The following ROBO1 variants were observed in gnomAD, a reference collection of about 807,000 sequenced individuals.
ROBO1 encodes the protein roundabout homolog 1.
A neutral mutation model predicts 195.9 loss-of-function variants in ROBO1; 149 were observed. The ratio of observed to expected loss-of-function variants is 0.76; its 90% CI spans 0.67 to 0.87. ROBO1 has a LOEUF of 0.87. Ranked by LOEUF, ROBO1 falls within the 40% of genes least tolerant of loss-of-function variation. The pLI, the probability that ROBO1 is intolerant of heterozygous loss-of-function variation, is 0.00. For missense variants in ROBO1, 1,933 were observed against 2,068.3 expected (o/e 0.93, Z 1.27); for synonymous variants, 816 against 733.2 (o/e 1.11, Z -1.82).
chr3:78,779,698 G>A (rs1326765556), intron 4 of ROBO1, among the ~76,000 whole-genome samples: 1 of 152,134 alleles, frequency 6.6e-6, no homozygotes, highest in Non-Finnish European at 1.5e-5. Context: ...AGACTGTGGC[G>A]ATTCCTCAAG....
At position 79,239,789 on chromosome 3, in the gene ROBO1, C is replaced by T. The variant is rs556506422; in HGVS notation, c.89-114250G>A. On this transcript the variant is annotated intron_variant, in intron 2 of 30. Transcript: ENST00000464233. Reference sequence around the variant, plus strand: ...AACTGAATATTATTGCTTAGCACAGCACTTAGTATAAAGCTTTATATAGAG... The same window carrying T: ...AACTGAATATTATTGCTTAGCACAGTACTTAGTATAAAGCTTTATATAGAG... Among the ~76,000 whole-genome samples the T allele has an allele frequency of 1.7e-4, 26 of 152,250 alleles. 1 individual carries two copies. In the South Asian group the frequency reaches 5.4e-3, roughly 32 times the overall value.
intron 1 of ROBO1, among the ~76,000 whole-genome samples, chr3:79,657,962 GA>G (rs1172635630): frequency 6.6e-6 from 1 of 152,052 alleles, no homozygotes; most frequent in Non-Finnish European, 1.5e-5. Context: ...AGGCAATGAA[GA>G]AAAAATTGTA....
intron 1 of ROBO1, among the ~76,000 whole-genome samples, chr3:79,617,562 A>G (rs1303842252): frequency 6.6e-6 from 1 of 152,156 alleles, no homozygotes; most frequent in African/African-American, 2.4e-5. Context: ...CAAGAAAGAA[A>G]AGTATGAAGA....
chr3:79,607,614 T>TC (rs1944530421), intron 1 of ROBO1, among the ~76,000 whole-genome samples: 1 of 151,546 alleles, frequency 6.6e-6, no homozygotes, highest in African/African-American at 2.4e-5. Flanking sequence ...TTTTTTTTTT[T>TC]CTTACTGGGC....
chr3:79,041,042 C>A (rs748597854), intron 3 of ROBO1, among the ~76,000 whole-genome samples: 2 of 152,200 alleles, frequency 1.3e-5, no homozygotes, highest in Non-Finnish European at 1.5e-5. Flanking sequence ...CTGCCATTCC[C>A]TGCTGGGGAC....
At chr3:79,520,610 G>C (rs1941168298) in intron 2 of ROBO1, among the ~76,000 whole-genome samples, 1 of 152,100 alleles carries the variant, frequency 6.6e-6, no homozygotes, top group African/African-American at 2.4e-5. Context: ...GTGAAATTAA[G>C]ATAAAGATAG....
chr3:79,338,977 A>C (rs2034796457), intron 2 of ROBO1, among the ~76,000 whole-genome samples: 1 of 151,866 alleles, frequency 6.6e-6, no homozygotes. Flanking sequence ...TGGCAGCTCC[A>C]CTCTTTATGT....
chr3:79,196,028 G>T (rs2081626878), intron 2 of ROBO1, among the ~76,000 whole-genome samples: 2 of 151,364 alleles, frequency 1.3e-5, no homozygotes. Context: ...TTCATGCCAG[G>T]CATTGAATAA....
chr3:79,025,682 G>A (rs1173181849), intron 3 of ROBO1, among the ~76,000 whole-genome samples: 1 of 151,930 alleles, frequency 6.6e-6, no homozygotes, highest in Non-Finnish European at 1.5e-5. Context: ...CATGTTTCAG[G>A]GGACTTTAAT....
At chr3:79,728,401 A>T (rs79533031) in intron 1 of ROBO1, among the ~76,000 whole-genome samples, 3,695 of 152,264 alleles carry the variant, frequency 0.024, 60 homozygotes, top group Non-Finnish European at 0.036. Context: ...CAGTCTAAAA[A>T]GTTCTACATT....
At chr3:79,120,716 C>G (rs1408879591) in intron 3 of ROBO1, among the ~76,000 whole-genome samples, 1 of 151,700 alleles carries the variant, frequency 6.6e-6, no homozygotes, top group East Asian at 1.9e-4. Flanking sequence ...AATTGAGCAT[C>G]TAGAATGTTA....
intron 3 of ROBO1, among the ~76,000 whole-genome samples, chr3:78,976,997 T>C (rs2076897885): frequency 6.6e-6 from 1 of 152,180 alleles, no homozygotes; most frequent in African/African-American, 2.4e-5. Flanking sequence ...AATTTCTTCA[T>C]GCTATTTGAA....
chr3:79,738,394 C>A (rs1040377377), intron 1 of ROBO1, among the ~76,000 whole-genome samples: 1 of 152,120 alleles, frequency 6.6e-6, no homozygotes, highest in East Asian at 1.9e-4. Context: ...CAATGTTGTG[C>A]ATAAAATCTT....
intron 10 of ROBO1, among the ~76,000 whole-genome samples, chr3:78,674,505 C>G (rs981011885): frequency 6.6e-6 from 1 of 152,124 alleles, no homozygotes; most frequent in Non-Finnish European, 1.5e-5. Flanking sequence ...CAATAAGCTC[C>G]AAAATAAAGC....
chr3:79,182,579 G>A (rs1158954443), intron 2 of ROBO1, among the ~76,000 whole-genome samples: 3 of 152,018 alleles, frequency 2.0e-5, no homozygotes, highest in Admixed American at 2.0e-4. Flanking sequence ...GTGCGTGCGT[G>A]CATGCACGCA....
At chr3:79,260,107 A>AATATATAT (rs145703074) in intron 2 of ROBO1, among the ~76,000 whole-genome samples, 2 of 145,832 alleles carry the variant, frequency 1.4e-5, no homozygotes, top group African/African-American at 5.0e-5. Context: ...CACACACACA[A>AATATATAT]ATATATATAT....
chr3:78,992,522 T>C (rs1265664624), intron 3 of ROBO1, among the ~76,000 whole-genome samples: 1 of 152,188 alleles, frequency 6.6e-6, no homozygotes, highest in African/African-American at 2.4e-5. Context: ...TATGCAGTGC[T>C]TGATGACATT....
intron 14 of ROBO1, 145 bp from the exon 15 acceptor site, chr3:78,662,259 A>G (rs1183662549): frequency 1.5e-6 from 1 of 648,292 alleles, no homozygotes. Flanking sequence ...AAAAAAAAAA[A>G]GGAATAATTT....
chr3:78,598,143 C>CTTT lies in ROBO1; in HGVS notation c.*767_*769dup, dbSNP rs1195980750. 6.6e-6 allele frequency: 1 copy of CTTT among 152,476 alleles called. No individual in the cohort carries two copies. The highest frequency in any genetic ancestry group is 1.5e-5 in the Non-Finnish European group (1 of 68,006). 9.4% of individuals were successfully genotyped at this position (152,476 alleles called of 1,614,324 possible). ...TGTTTGTAATACGTATTTATAATTA[C>CTTT]TTTTTGATGATTGAAAAATAGAACA... On this transcript the variant is annotated 3_prime_UTR_variant, in exon 31 of 31. Coordinates refer to ENST00000464233, the MANE Select transcript of ROBO1 (RefSeq NM_002941.4).
Sources: gnomAD v4.1 joint callset for allele counts (sites outside exome capture counted in the v4.1 genomes callset) on GRCh38, gnomAD v4.1.1 for gene constraint, MANE v1.5 for transcripts, NCBI Gene and HGNC (gene_info 2026-07-23, HGNC 2026-07-21) for gene names.